Variants in SIAH2 observed in about 807,000 individuals in gnomAD.
SIAH2 encodes the protein E3 ubiquitin-protein ligase SIAH2.
In SIAH2, 4 loss-of-function variants were observed where a neutral mutation model predicts 20.4. That is an observed-to-expected ratio of 0.20 (90% CI 0.10 to 0.45). The LOEUF is 0.45. Ranked by LOEUF, SIAH2 falls within the 20% of genes least tolerant of loss-of-function variation. The pLI is 0.99. For missense variants in SIAH2, 259 were observed against 440.3 expected (o/e 0.59, Z 3.69); for synonymous variants, 171 against 192.5 (o/e 0.89, Z 0.93).
intron 1 of SIAH2, among the ~76,000 whole-genome samples, chr3:150,756,324 G>A (rs540579839): frequency 2.0e-5 from 3 of 152,278 alleles, no homozygotes; most frequent in African/African-American, 7.2e-5. Flanking sequence ...CTGGTACACA[G>A]TTTAGCAAAT....
intron 1 of SIAH2, among the ~76,000 whole-genome samples, chr3:150,746,199 G>A (rs1714208513): frequency 6.6e-6 from 1 of 152,102 alleles, no homozygotes; most frequent in Non-Finnish European, 1.5e-5. Context: ...TTCAAGACCA[G>A]CCTGGCCAAT....
At chr3:150,759,111 A>T (rs892745099) in intron 1 of SIAH2, among the ~76,000 whole-genome samples, 5 of 151,834 alleles carry the variant, frequency 3.3e-5, no homozygotes, top group African/African-American at 1.2e-4. Context: ...CGAACTCCTG[A>T]CCTCAGGTGA....
At chr3:150,750,094 G>A (rs1017435437) in intron 1 of SIAH2, among the ~76,000 whole-genome samples, 5 of 152,196 alleles carry the variant, frequency 3.3e-5, no homozygotes, top group Non-Finnish European at 7.3e-5. Context: ...TAGGACTTGT[G>A]CAAATGGGAG....
intron 1 of SIAH2, among the ~76,000 whole-genome samples, chr3:150,746,123 G>A (rs146789922): frequency 7.2e-5 from 11 of 152,220 alleles, no homozygotes; most frequent in African/African-American, 1.7e-4. Context: ...GGCCAGGCGC[G>A]CTGCTCACAC....
At position 150,741,295 on chromosome 3, in the gene SIAH2, AC is replaced by A. The variant is rs1342259703; in HGVS notation, c.*845del. 1 of 152,628 alleles carries A rather than the reference AC, an allele frequency of 6.6e-6. No individual in the cohort carries two copies. Among genetic ancestry groups the A allele is most frequent in the South Asian group, 2.1e-4 (1 of 4,830 alleles). 9.5% of individuals were successfully genotyped at this position (152,628 alleles called of 1,614,324 possible). On this transcript the variant is annotated 3_prime_UTR_variant, in exon 2 of 2. Transcript: ENST00000312960. ...TTGAGGAGGGCTTCCGAGGGAAGCC[AC>A]GTGTAAACGGGTCATCTGTACTAGT...
chr3:150,742,347 G>C lies in SIAH2; in HGVS notation c.769C>G (p.Gln257Glu). ...AGTCTGTAGGCAAAGTTCTCGGCTT[G>C]CTTGCGGGTGCCAATGAGCAGGACG... ...AIVLLIGTRK[Q>E]AENFAYRLEL... Residue 257 changes from glutamine (Q) to glutamate (E), a missense_variant, in exon 2 of 2, where the codon CAA becomes GAA. Gln to Glu is a conservative substitution (Grantham distance 29). Around this residue, in one of 2 missense-constraint regions of SIAH2, gnomAD observed 160 missense variants for 327.6 expected, o/e 0.49. Transcript: ENST00000312960. The surrounding 1 kb of genome is among the most constrained non-coding windows in gnomAD (Gnocchi z 4.8). The C allele has an allele frequency of 1.2e-6, 2 of 1,614,196 alleles. No homozygotes were observed. Among genetic ancestry groups the C allele is most frequent in the Non-Finnish European group, 1.7e-6 (2 of 1,180,034 alleles).
At chr3:150,759,485 C>G (rs1274817393) in intron 1 of SIAH2, among the ~76,000 whole-genome samples, 1 of 152,122 alleles carries the variant, frequency 6.6e-6, no homozygotes, top group South Asian at 2.1e-4. Context: ...ACTCATCCAA[C>G]CAGACGGTTT....
intron 1 of SIAH2, among the ~76,000 whole-genome samples, chr3:150,755,804 CTG>C (rs1433939097): frequency 1.3e-5 from 2 of 152,186 alleles, no homozygotes; most frequent in Non-Finnish European, 2.9e-5. Context: ...GTGTGAGCCA[CTG>C]TGCCTGGCAC....
intron 1 of SIAH2, among the ~76,000 whole-genome samples, chr3:150,756,712 C>T (rs1056810090): frequency 6.6e-6 from 1 of 152,126 alleles, no homozygotes; most frequent in Non-Finnish European, 1.5e-5. Context: ...TAAGTACTGC[C>T]ATATAGTATT....
intron 1 of SIAH2, among the ~76,000 whole-genome samples, chr3:150,747,911 C>T (rs920815022): frequency 6.9e-6 from 1 of 145,572 alleles, no homozygotes; most frequent in Non-Finnish European, 1.5e-5. Context: ...TTGCAGTGAG[C>T]CATGATTGTG....
chr3:150,747,841 G>A (rs1012216803), intron 1 of SIAH2, among the ~76,000 whole-genome samples: 5 of 151,838 alleles, frequency 3.3e-5, no homozygotes, highest in Non-Finnish European at 7.4e-5. Context: ...GTGGGCACCT[G>A]TAATCCCAGC....
intron 1 of SIAH2, among the ~76,000 whole-genome samples, chr3:150,747,656 T>C (rs946296017): frequency 2.0e-5 from 3 of 151,158 alleles, no homozygotes; most frequent in African/African-American, 7.3e-5. Flanking sequence ...AATAGGGAGG[T>C]AGGACCGGGC....
At chr3:150,749,128 G>C (rs974152841) in intron 1 of SIAH2, among the ~76,000 whole-genome samples, 1 of 152,158 alleles carries the variant, frequency 6.6e-6, no homozygotes, top group African/African-American at 2.4e-5. Flanking sequence ...GAAATAACTG[G>C]TGAATCTGGA....
chr3:150,757,409 GA>G (rs1162944236), intron 1 of SIAH2, among the ~76,000 whole-genome samples: 2 of 152,140 alleles, frequency 1.3e-5, no homozygotes, highest in African/African-American at 4.8e-5. Context: ...CTGATGGCCA[GA>G]AAATAATATT....
intron 1 of SIAH2, among the ~76,000 whole-genome samples, chr3:150,755,586 G>C (rs1714470190): frequency 6.6e-6 from 1 of 152,088 alleles, no homozygotes; most frequent in South Asian, 2.1e-4. Context: ...TGCGATCTCA[G>C]CTCACCACAA....
chr3:150,753,250 T>C (rs1292934879), intron 1 of SIAH2, among the ~76,000 whole-genome samples: 3 of 152,136 alleles, frequency 2.0e-5, no homozygotes, highest in East Asian at 3.8e-4. Context: ...AAGAACTGGC[T>C]AGGCAGATGG....
chr3:150,743,245 G>A (rs1714137052), intron 1 of SIAH2, among the ~76,000 whole-genome samples: 1 of 152,244 alleles, frequency 6.6e-6, no homozygotes, highest in Admixed American at 6.5e-5. Context: ...CTTGCTCTTT[G>A]CTGCTGGCAT....
Position 150,762,844 on chromosome 3 carries a change from G to A in SIAH2, c.6C>T (p.Ser2=). 2 of 1,208,298 alleles carry A rather than the reference G, an allele frequency of 1.7e-6. No individual in the cohort carries two copies. Among genetic ancestry groups the A allele is most frequent in the East Asian group, 3.7e-5 (1 of 26,914 alleles). The allele number at this position is 1,208,298 out of a possible 1,614,324, so 74.8% of individuals were successfully genotyped here. The stretch of plus-strand genomic sequence containing the variant: ...CGCTGGGGCCGGTGGAGGACGGGCG[G>A]CTCATCGCGCTCCGAACCAACCATG... M[S]RPSSTGPSAN... Residue 2 remains serine, a synonymous_variant, in exon 1 of 2, where the codon AGC becomes AGT. Transcript: ENST00000312960. The surrounding 1 kb of genome is among the most constrained non-coding windows in gnomAD (Gnocchi z 6.6).
In SIAH2 at chr3:150,762,374, G is replaced by A. The variant is rs1714638238; in HGVS notation, c.417+59C>T. 1 of 1,553,944 alleles carries A rather than the reference G, an allele frequency of 6.4e-7. No individual in the cohort carries two copies. The highest frequency in any genetic ancestry group is 8.7e-7 in the Non-Finnish European group (1 of 1,151,294). On this transcript the variant is annotated intron_variant, in intron 1 of 1. Transcript: ENST00000312960. This position sits in a 1 kb window ranked among gnomAD's most constrained non-coding sequence, Gnocchi z 6.6. ...CCTCTCCGGGCCTGCGAGTGGGCTG[G>A]CGGATACCGGAGTCCCTGAGGTCAC...
Sources: gnomAD v4.1 joint callset for allele counts (sites outside exome capture counted in the v4.1 genomes callset) on GRCh38, gnomAD v4.1.1 for gene constraint, gnomAD v4.1.1 regional missense constraint, Gnocchi (gnomAD v3.1) non-coding constraint, MANE v1.5 for transcripts, NCBI Gene and HGNC (gene_info 2026-07-23, HGNC 2026-07-21) for gene names.